The following TJP1 variants were observed in gnomAD, a reference collection of about 807,000 sequenced individuals.
The protein encoded by TJP1 is tight junction protein 1, also known as tight junction protein ZO-1.
A neutral mutation model predicts 194.2 loss-of-function variants in TJP1; 43 were observed. The observed-to-expected ratio is 0.22, with a 90% confidence interval of 0.17 to 0.29. TJP1 has a LOEUF of 0.29. TJP1 is among the 10% of genes least tolerant of loss of function. TJP1 has a pLI of 1.00. For missense variants in TJP1, 1,971 were observed against 2,185.7 expected (o/e 0.90, Z 1.96); for synonymous variants, 801 against 779.0 (o/e 1.03, Z -0.47).
intron 4 of TJP1, among the ~76,000 whole-genome samples, chr15:29,768,111 CTGCT>C (rs1402771200): frequency 6.6e-6 from 1 of 152,200 alleles, no homozygotes; most frequent in Non-Finnish European, 1.5e-5. Context: ...CTTAATACTA[CTGCT>C]TCCTATGACT....
chr15:29,957,460 C>T (rs187970803), intron 1 of TJP1, among the ~76,000 whole-genome samples: 1 of 139,118 alleles, frequency 7.2e-6, no homozygotes, highest in Admixed American at 6.9e-5. Flanking sequence ...CAGACAAATG[C>T]TCATGCTTAT....
At chr15:29,930,092 C>T (rs1043982845) in intron 2 of TJP1, among the ~76,000 whole-genome samples, 3 of 151,984 alleles carry the variant, frequency 2.0e-5, no homozygotes, top group South Asian at 2.1e-4. Context: ...AAACCTATTC[C>T]CTCAAAATAA....
intron 2 of TJP1, among the ~76,000 whole-genome samples, chr15:29,907,432 A>G (rs548298134): frequency 2.9e-4 from 44 of 152,276 alleles, no homozygotes; most frequent in Non-Finnish European, 5.4e-4. Flanking sequence ...AGAATTGAAA[A>G]GAAGTGGTAC....
rs550487466 is a variant in TJP1 at position 29,901,235 on chromosome 15, T to C, written c.306+54997A>G. Reference sequence around the variant, plus strand: ...CTCTTCTAACACCACAATCCTGAGATGTAGGCACGACATCCTGAAGATCGC... The same window carrying C: ...CTCTTCTAACACCACAATCCTGAGACGTAGGCACGACATCCTGAAGATCGC... On this transcript the variant is annotated intron_variant, in intron 2 of 28. Coordinates refer to the TJP1 transcript ENST00000356107. 2.0e-5 allele frequency among the ~76,000 whole-genome samples: 3 copies of C among 152,338 alleles called. No homozygotes were observed. The South Asian group carries it at 6.2e-4, about 32-fold the overall frequency.
chr15:29,739,120 T>C (rs2044229926), intron 10 of TJP1, among the ~76,000 whole-genome samples: 2 of 152,102 alleles, frequency 1.3e-5, no homozygotes, highest in Admixed American at 6.6e-5. Context: ...ACCCATCTAA[T>C]GTGCTTCAAA....
intron 1 of TJP1, among the ~76,000 whole-genome samples, chr15:29,963,217 T>C (rs927756552): frequency 6.6e-6 from 1 of 152,174 alleles, no homozygotes; most frequent in African/African-American, 2.4e-5. Flanking sequence ...CAGTGATCCA[T>C]GAGTGGGCCG....
intron 1 of TJP1, chr15:29,968,117 G>A: frequency 3.0e-6 from 3 of 985,442 alleles, no homozygotes; most frequent in Non-Finnish European, 1.2e-6. Flanking sequence ...ACAGTTTCCA[G>A]GTCGGAGGAA....
At chr15:29,713,276 T>C (rs1486753089) in intron 23 of TJP1, among the ~76,000 whole-genome samples, 1 of 152,216 alleles carries the variant, frequency 6.6e-6, no homozygotes, top group Non-Finnish European at 1.5e-5. Context: ...TGCACAGCCC[T>C]GGAGGGACAC....
At chr15:29,760,683 A>C (rs1024710741) in intron 8 of TJP1, among the ~76,000 whole-genome samples, 1 of 152,052 alleles carries the variant, frequency 6.6e-6, no homozygotes, top group African/African-American at 2.4e-5. Flanking sequence ...GGCCAACACT[A>C]GTGTATTTTT....
intron 25 of TJP1, among the ~76,000 whole-genome samples, chr15:29,708,048 T>C (rs1388045603): frequency 6.6e-6 from 1 of 151,950 alleles, no homozygotes; most frequent in Non-Finnish European, 1.5e-5. Flanking sequence ...ACAAAAAATT[T>C]AGCCAGGCGT....
In TJP1 at chr15:29,718,927, C is replaced by A; in HGVS notation, c.3215G>T (p.Arg1072Leu). 1 of 1,614,098 alleles carries A rather than the reference C, an allele frequency of 6.2e-7. No individual in the cohort carries two copies. The highest frequency in any genetic ancestry group is 8.5e-7 in the Non-Finnish European group (1 of 1,180,016). Residue 1072 changes from arginine (R) to leucine (L), a missense_variant, in exon 21 of 28, where the codon CGA (arginine) becomes CTA (leucine). By Grantham distance (102) the Arg-to-Leu change is moderately radical. This residue lies in a region of TJP1 where 1,108 missense variants were observed against 1,128.5 expected (regional missense o/e 0.98). Coordinates refer to ENST00000614355, the MANE Select transcript of TJP1 (RefSeq NM_001330239.4). ...GTATCGCAGACGATGTTCATAGTTT[C>A]GAGAAAACTGGTCCGTATAGCTTGA... ...ESSSYTDQFS[R>L]NYEHRLRYED...
intron 18 of TJP1, among the ~76,000 whole-genome samples, chr15:29,723,362 T>G (rs2043049129): frequency 6.6e-6 from 1 of 152,194 alleles, no homozygotes; most frequent in South Asian, 2.1e-4. Flanking sequence ...TCCCAAGCTC[T>G]GTCTGTTTAA....
intron 5 of TJP1, among the ~76,000 whole-genome samples, chr15:29,765,191 T>C (rs2046257489): frequency 6.6e-6 from 1 of 152,034 alleles, no homozygotes; most frequent in Non-Finnish European, 1.5e-5. Context: ...AGATTTAGTG[T>C]GAACATTTTT....
At position 29,761,175 on chromosome 15, in the gene TJP1, T is replaced by C. The variant is rs200934057; in HGVS notation, c.974A>G (p.His325Arg). The C allele has an allele frequency of 1.9e-5, 30 of 1,612,572 alleles. No individual in the cohort carries two copies. Among genetic ancestry groups the C allele is most frequent in the Non-Finnish European group, 2.0e-5 (24 of 1,179,500 alleles). ...SPDQRSEPSDHSRHSPQQPSN... is the reference protein window; with the variant it reads ...SPDQRSEPSDRSRHSPQQPSN... ...TGGCTGCTGCGGCGAGTGCCTGGAATGATCAGAAGGCTCTGACCGCTGGTC... is the reference window on the plus strand; with the variant it reads ...TGGCTGCTGCGGCGAGTGCCTGGAACGATCAGAAGGCTCTGACCGCTGGTC... The change falls in exon 8 of 28, where the codon CAT becomes CGT. Residue 325 changes from histidine to arginine, a missense_variant. His to Arg is a conservative substitution (Grantham distance 29). Transcript: ENST00000614355.
intron 2 of TJP1, among the ~76,000 whole-genome samples, chr15:29,885,634 TA>T (rs2053090403): frequency 6.6e-6 from 1 of 152,196 alleles, no homozygotes; most frequent in African/African-American, 2.4e-5. Context: ...CAGTAAATTT[TA>T]AAAAGAAGCA....
At chr15:29,879,277 AGGTAACGCCATGC>A (rs1355931107) in intron 2 of TJP1, among the ~76,000 whole-genome samples, 1 of 152,226 alleles carries the variant, frequency 6.6e-6, no homozygotes, top group African/African-American at 2.4e-5. Flanking sequence ...TAGGTAGGAA[AGGTAACGCCATGC>A]GGTCTTGAGG....
At chr15:29,704,511 C>G (rs1485056550) in intron 26 of TJP1, among the ~76,000 whole-genome samples, 1 of 152,160 alleles carries the variant, frequency 6.6e-6, no homozygotes, top group African/African-American at 2.4e-5. Flanking sequence ...TAAAAAGAAA[C>G]AAGTGATATC....
At chr15:29,873,728 T>A (rs1190868634) in intron 2 of TJP1, among the ~76,000 whole-genome samples, 1 of 152,198 alleles carries the variant, frequency 6.6e-6, no homozygotes, top group Non-Finnish European at 1.5e-5. Context: ...TGGGGCTTTA[T>A]GGCCTTTGGG....
intron 2 of TJP1, among the ~76,000 whole-genome samples, chr15:29,897,349 G>A (rs1401409137): frequency 1.3e-5 from 2 of 152,208 alleles, no homozygotes; most frequent in African/African-American, 4.8e-5. Flanking sequence ...ACTGAGGTTT[G>A]GGAACCTCTG....
Sources: gnomAD v4.1 joint callset for allele counts (sites outside exome capture counted in the v4.1 genomes callset) on GRCh38, gnomAD v4.1.1 for gene constraint, gnomAD v4.1.1 regional missense constraint, MANE v1.5 for transcripts, NCBI Gene and HGNC (gene_info 2026-07-23, HGNC 2026-07-21) for gene names.